Variants in EML5 observed in about 807,000 individuals in gnomAD.
EML5 encodes the protein EMAP like 5, also known as echinoderm microtubule-associated protein-like 5.
Under a neutral mutation model 250.0 loss-of-function variants are expected in EML5, and 120 were observed. The observed-to-expected ratio is 0.48, with a 90% CI of 0.41 to 0.56. The LOEUF (loss-of-function observed/expected upper bound fraction) is 0.56. Among genes scored for constraint, EML5 ranks in the 20% least tolerant of loss-of-function variants. The pLI, the probability that EML5 is intolerant of heterozygous loss-of-function variation, is 0.00. For synonymous variants in EML5, 771 were observed against 806.5 expected (o/e 0.96, Z 0.75); for missense variants, 2,006 against 2,437.6 (o/e 0.82, Z 3.73).
chr14:88,726,556 G>A lies in EML5; in HGVS notation c.1172C>T (p.Thr391Ile). The change falls in exon 8 of 44, where the codon ACT (threonine) becomes ATT (isoleucine). Residue 391 changes from threonine (T) to isoleucine (I), a missense_variant. Physicochemically the swap from Thr to Ile is moderately conservative, Grantham distance 89. Around this residue, in one of 7 missense-constraint regions of EML5, gnomAD observed 1,375 missense variants for 1,590.3 expected, o/e 0.86. Transcript: ENST00000554922. ...LALGMKDGSF[T>I]VLRVRDMTEV... ...AATACCATACCTTACTCTAAGTACA[G>A]TGAATGAGCCATCCTTCATTCCAAG... 8.7e-6 allele frequency: 14 copies of A among 1,606,224 alleles called. No individual in the cohort carries two copies. Among genetic ancestry groups the A allele is most frequent in the Non-Finnish European group, 1.2e-5 (14 of 1,176,026 alleles).
At chr14:88,728,858 TA>T (rs1439900130) in intron 7 of EML5, among the ~76,000 whole-genome samples, 3 of 152,128 alleles carry the variant, frequency 2.0e-5, no homozygotes, top group African/African-American at 7.2e-5. Context: ...ATAACTACAT[TA>T]TAAATAAACA....
At chr14:88,728,948 T>C (rs1007324254) in intron 7 of EML5, among the ~76,000 whole-genome samples, 1 of 152,104 alleles carries the variant, frequency 6.6e-6, no homozygotes, top group Non-Finnish European at 1.5e-5. Flanking sequence ...TTCTAAATGC[T>C]TTTATAGTAT....
rs560580170 is a variant in EML5, at chr14:88,660,480, C to T, written c.3675+1174G>A. Among the ~76,000 whole-genome samples the T allele has an allele frequency of 2.3e-4, 35 of 152,182 alleles. No individual in the cohort carries two copies. The South Asian group carries it at 6.9e-3, about 30-fold the overall frequency. On this transcript the variant is annotated intron_variant, in intron 25 of 43. Coordinates refer to ENST00000554922, the MANE Select transcript of EML5 (RefSeq NM_183387.3). ...TCTGTTGGCGAGGCCCAGTGGCTCACGCCTGTAATCCTAGTACTTTGGGAG... is the reference window on the plus strand; with the variant it reads ...TCTGTTGGCGAGGCCCAGTGGCTCATGCCTGTAATCCTAGTACTTTGGGAG...
intron 6 of EML5, among the ~76,000 whole-genome samples, chr14:88,737,915 T>A (rs1312118733): frequency 6.6e-6 from 1 of 152,222 alleles, no homozygotes; most frequent in East Asian, 1.9e-4. Flanking sequence ...TTTACTTGTC[T>A]ATATTTCTTC....
chr14:88,688,149 T>C, intron 18 of EML5, 122 bp downstream of exon 18: 4 of 907,920 alleles, frequency 4.4e-6, no homozygotes, highest in Admixed American at 2.1e-5. Context: ...AAGATGACCC[T>C]AGCCCACAGA....
Position 88,628,952 on chromosome 14 carries a change from T to A in EML5, c.4358-1133A>T, listed in dbSNP as rs563375442. Among the ~76,000 whole-genome samples the A allele has an allele frequency of 2.0e-3, 301 of 152,180 alleles. 1 individual carries two copies. Among genetic ancestry groups the A allele is most frequent in the African/African-American group, 7.0e-3 (292 of 41,572 alleles). ...TTATCATATAATAAAATAGGTTATTTATGTTTGTAAAATTTATGACAATAA... is the reference window on the plus strand; with the variant it reads ...TTATCATATAATAAAATAGGTTATTAATGTTTGTAAAATTTATGACAATAA... On this transcript the variant is annotated intron_variant, in intron 33 of 43. Transcript: ENST00000554922.
chr14:88,702,653 T>A (rs757694446), intron 13 of EML5, 21 bp from the exon 14 acceptor site: 3 of 1,493,196 alleles, frequency 2.0e-6, no homozygotes, highest in Non-Finnish European at 2.7e-6. Flanking sequence ...AAACAAATCA[T>A]ATATAATTAA....
At chr14:88,786,464 T>G (rs767115270) in intron 1 of EML5, among the ~76,000 whole-genome samples, 1 of 152,212 alleles carries the variant, frequency 6.6e-6, no homozygotes, top group Non-Finnish European at 1.5e-5. Flanking sequence ...CAGTAAATAT[T>G]TGCTGAAAGA....
chr14:88,782,931 T>A (rs2094511759), intron 1 of EML5, among the ~76,000 whole-genome samples: 1 of 151,902 alleles, frequency 6.6e-6, no homozygotes, highest in African/African-American at 2.4e-5. Flanking sequence ...AATACAGAAT[T>A]AGTCAGGTGT....
chr14:88,653,347 T>C (rs958342651), intron 27 of EML5, among the ~76,000 whole-genome samples: 3 of 152,232 alleles, frequency 2.0e-5, no homozygotes, highest in Non-Finnish European at 1.5e-5. Context: ...ATCAAAGTAG[T>C]GAGAGACAGC....
rs78507384 is a variant in EML5 at position 88,716,835 on chromosome 14, T to C, written c.1188-1640A>G. ...TAGTATAATATCGCTCCGTCAATAT[T>C]GTGAATTATATGACCACTCTCTCAC... On this transcript the variant is annotated intron_variant, in intron 8 of 43. Transcript: ENST00000554922. 6.9e-3 allele frequency among the ~76,000 whole-genome samples: 1,054 copies of C among 152,270 alleles called. 9 individuals are homozygous for C. Among genetic ancestry groups the C allele is most frequent in the African/African-American group, 0.022 (930 of 41,556 alleles).
At chr14:88,664,022 A>G (rs1278656270) in intron 23 of EML5, among the ~76,000 whole-genome samples, 1 of 152,020 alleles carries the variant, frequency 6.6e-6, no homozygotes, top group South Asian at 2.1e-4. Flanking sequence ...TCATGCCTAT[A>G]ATCACAGCAC....
intron 20 of EML5, among the ~76,000 whole-genome samples, chr14:88,684,058 C>A (rs1424693556): frequency 6.6e-6 from 1 of 151,516 alleles, no homozygotes; most frequent in Non-Finnish European, 1.5e-5. Flanking sequence ...ACACAGAAAA[C>A]CCTAAATAAT....
At chr14:88,790,554 A>G (rs929127625) in intron 1 of EML5, among the ~76,000 whole-genome samples, 3 of 152,204 alleles carry the variant, frequency 2.0e-5, no homozygotes, top group Non-Finnish European at 4.4e-5. Context: ...CCTTAGTGCT[A>G]TACTGCTCTC....
chr14:88,658,182 C>A lies in EML5; in HGVS notation c.3877+5G>T. The A allele has an allele frequency of 6.2e-7, 1 of 1,613,252 alleles. No homozygotes were observed. Among genetic ancestry groups the A allele is most frequent in the South Asian group, 1.1e-5 (1 of 91,020 alleles). ...TTTTTGTTCAAGTATTATAAAATGA[C>A]GTACCCCCATCTTCTTCAGAATCAA... On this transcript the variant is annotated splice_donor_5th_base_variant and intron_variant, in intron 26 of 43. Transcript: ENST00000554922.
At chr14:88,627,166 C>T (rs2090039842) in intron 34 of EML5, 120 bp from the exon 35 acceptor site, 1 of 885,604 alleles carries the variant, frequency 1.1e-6, no homozygotes, top group East Asian at 2.4e-5. Flanking sequence ...GGCCAATGGC[C>T]CCTGCTCTAC....
chr14:88,784,726 T>C (rs1457144876), intron 1 of EML5, among the ~76,000 whole-genome samples: 1 of 152,140 alleles, frequency 6.6e-6, no homozygotes, highest in Non-Finnish European at 1.5e-5. Context: ...CAGTAACAAA[T>C]GCTGGAAAGG....
intron 32 of EML5, among the ~76,000 whole-genome samples, chr14:88,636,260 C>T (rs1403993657): frequency 6.6e-6 from 1 of 152,184 alleles, no homozygotes; most frequent in Non-Finnish European, 1.5e-5. Context: ...ATACCCAAAA[C>T]ATGGTCCAGT....
intron 41 of EML5, chr14:88,617,396 C>T (rs888613352): frequency 6.5e-6 from 1 of 152,736 alleles, no homozygotes; most frequent in African/African-American, 2.4e-5. Context: ...ATCACCCCCG[C>T]TCGGCCTCCC....
Sources: allele counts gnomAD v4.1 joint callset (sites outside exome capture counted in the v4.1 genomes callset), GRCh38; gene constraint gnomAD v4.1.1; regional missense constraint gnomAD v4.1.1; transcripts MANE v1.5; gene names NCBI Gene and HGNC (gene_info 2026-07-23, HGNC 2026-07-21).